Variants in PPFIA2 observed in about 807,000 individuals in gnomAD.
The protein encoded by PPFIA2 is liprin-alpha-2.
Under a neutral mutation model 175.5 loss-of-function variants are expected in PPFIA2, and 46 were observed. The observed-to-expected ratio is 0.26, with a 90% CI of 0.21 to 0.34. PPFIA2 has a LOEUF of 0.34. Ranked by LOEUF, PPFIA2 falls within the 10% of genes least tolerant of loss-of-function variation. PPFIA2 has a pLI of 1.00. For synonymous variants in PPFIA2, 568 were observed against 511.4 expected (o/e 1.11, Z -1.49); for missense variants, 1,179 against 1,506.1 (o/e 0.78, Z 3.60).
At chr12:81,544,339 C>T (rs752617970) in intron 4 of PPFIA2, among the ~76,000 whole-genome samples, 42 of 152,070 alleles carry the variant, frequency 2.8e-4, no homozygotes, top group Non-Finnish European at 7.4e-5. Context: ...TGGTTATAAT[C>T]CCCAAGATGA....
At chr12:81,301,249 G>A (rs1269280310) in intron 22 of PPFIA2, among the ~76,000 whole-genome samples, 1 of 152,054 alleles carries the variant, frequency 6.6e-6, no homozygotes, top group Non-Finnish European at 1.5e-5. Context: ...CAGAGTTAAT[G>A]CATGTTGTAA....
At chr12:81,531,395 T>C (rs543154676) in intron 4 of PPFIA2, among the ~76,000 whole-genome samples, 6 of 151,692 alleles carry the variant, frequency 4.0e-5, no homozygotes, top group Non-Finnish European at 7.4e-5. Context: ...GAGTGTACCA[T>C]GAAATCACAC....
At chr12:81,694,290 C>G (rs2153592280) in intron 3 of PPFIA2, among the ~76,000 whole-genome samples, 1 of 152,280 alleles carries the variant, frequency 6.6e-6, no homozygotes, top group Non-Finnish European at 1.5e-5. Context: ...CCCCTCACAT[C>G]CATCACAGGC....
chr12:81,759,155 C>A (rs2085133396), intron 1 of PPFIA2, 125 bp downstream of exon 1: 1 of 144,880 alleles, frequency 6.9e-6, no homozygotes, highest in Non-Finnish European at 1.5e-5. Context: ...CACCCCACGC[C>A]GTCCCCCGGC....
At chr12:81,349,118 A>G (rs567562190) in intron 17 of PPFIA2, among the ~76,000 whole-genome samples, 49 of 152,260 alleles carry the variant, frequency 3.2e-4, no homozygotes, top group South Asian at 8.3e-4. Context: ...ACCTGTTTTT[A>G]TATGTTCACC....
chr12:81,695,821 A>C (rs1288382463), intron 3 of PPFIA2, among the ~76,000 whole-genome samples: 9 of 152,150 alleles, frequency 5.9e-5, no homozygotes, highest in Non-Finnish European at 1.0e-4. Flanking sequence ...ATGTTTTTGC[A>C]CTTTATATTT....
chr12:81,647,898 G>C (rs1331624506), intron 4 of PPFIA2, among the ~76,000 whole-genome samples: 1 of 140,734 alleles, frequency 7.1e-6, no homozygotes, highest in Non-Finnish European at 1.5e-5. Flanking sequence ...AAATCTTGAA[G>C]ACATCATCAA....
intron 4 of PPFIA2, among the ~76,000 whole-genome samples, chr12:81,495,226 T>A (rs2059906545): frequency 6.6e-6 from 1 of 152,144 alleles, no homozygotes; most frequent in South Asian, 2.1e-4. Context: ...CATCTAAAAT[T>A]TGTTATTCTA....
chr12:81,707,337 CA>C (rs2077301089), intron 3 of PPFIA2, among the ~76,000 whole-genome samples: 2 of 152,028 alleles, frequency 1.3e-5, no homozygotes, highest in Non-Finnish European at 2.9e-5. Flanking sequence ...AAAAAACAAA[CA>C]ACCCCATCAA....
At chr12:81,600,216 T>G (rs2059649958) in intron 4 of PPFIA2, among the ~76,000 whole-genome samples, 1 of 151,984 alleles carries the variant, frequency 6.6e-6, no homozygotes, top group Non-Finnish European at 1.5e-5. Flanking sequence ...TTCAATTATT[T>G]ACTTTTTCAG....
chr12:81,490,134 T>C (rs980444251), intron 4 of PPFIA2, among the ~76,000 whole-genome samples: 2 of 151,924 alleles, frequency 1.3e-5, no homozygotes, highest in African/African-American at 4.8e-5. Context: ...AATTAAGTTG[T>C]TGGAAACACA....
At chr12:81,451,496 A>C (rs2145566153) in intron 5 of PPFIA2, among the ~76,000 whole-genome samples, 1 of 152,302 alleles carries the variant, frequency 6.6e-6, no homozygotes, top group South Asian at 2.1e-4. Flanking sequence ...TACAAAGCTA[A>C]GAAATGTGGT....
At chr12:81,345,793 A>G (rs769329037) in intron 18 of PPFIA2, among the ~76,000 whole-genome samples, 1 of 152,162 alleles carries the variant, frequency 6.6e-6, no homozygotes, top group Non-Finnish European at 1.5e-5. Context: ...AGACAATAAC[A>G]CTTTTAACTA....
At chr12:81,539,300 T>C (rs958749396) in intron 4 of PPFIA2, among the ~76,000 whole-genome samples, 1 of 151,950 alleles carries the variant, frequency 6.6e-6, no homozygotes, top group East Asian at 1.9e-4. Context: ...AAATATACAT[T>C]TGAGAGCCTT....
At chr12:81,307,300 CG>C (rs1311277040) in intron 22 of PPFIA2, among the ~76,000 whole-genome samples, 1 of 151,874 alleles carries the variant, frequency 6.6e-6, no homozygotes, top group African/African-American at 2.4e-5. Flanking sequence ...GTTCTTCAAC[CG>C]TATCATGCAT....
intron 28 of PPFIA2, among the ~76,000 whole-genome samples, chr12:81,274,258 A>G (rs570968708): frequency 4.9e-4 from 74 of 152,314 alleles, no homozygotes; most frequent in African/African-American, 1.7e-3. Context: ...TCTCAATAAT[A>G]AAAAATAAAT....
At chr12:81,315,714 G>A (rs1032856081) in intron 22 of PPFIA2, among the ~76,000 whole-genome samples, 2 of 151,536 alleles carry the variant, frequency 1.3e-5, no homozygotes, top group African/African-American at 4.8e-5. Context: ...TTTTTGAATG[G>A]GTGATCTATG....
intron 4 of PPFIA2, among the ~76,000 whole-genome samples, chr12:81,649,363 A>T (rs1313746175): frequency 6.6e-6 from 1 of 152,202 alleles, no homozygotes; most frequent in African/African-American, 2.4e-5. Context: ...TGCAAACTGA[A>T]TAAGATATGA....
intron 4 of PPFIA2, among the ~76,000 whole-genome samples, chr12:81,565,014 T>A (rs1339745870): frequency 1.3e-5 from 2 of 152,160 alleles, no homozygotes; most frequent in South Asian, 4.1e-4. Context: ...AATAGGACCC[T>A]GCAACTCGGA....
Sources: gnomAD v4.1 joint callset for allele counts (sites outside exome capture counted in the v4.1 genomes callset) on GRCh38, gnomAD v4.1.1 for gene constraint, MANE v1.5 for transcripts, NCBI Gene and HGNC (gene_info 2026-07-23, HGNC 2026-07-21) for gene names.